DUT: variants seen among roughly 807,000 people sequenced by gnomAD.
The protein encoded by DUT is deoxyuridine triphosphatase.
Under a neutral mutation model 28.8 loss-of-function variants are expected in DUT, and 21 were observed. The observed-to-expected ratio is 0.73, with a 90% CI of 0.52 to 1.05. The LOEUF (loss-of-function observed/expected upper bound fraction) is 1.05, where lower values mean the gene tolerates loss of function less well. Among genes scored for constraint, DUT ranks in the 50% least tolerant of loss-of-function variants. The pLI, the probability that DUT is intolerant of heterozygous loss-of-function variation, is 0.00. For missense variants in DUT, 344 were observed against 351.8 expected (o/e 0.98, Z 0.18); for synonymous variants, 147 against 143.7 (o/e 1.02, Z -0.17).
chr15:48,332,043 C>T, intron 1 of DUT: 1 of 1,107,202 alleles, frequency 9.0e-7, no homozygotes, highest in Non-Finnish European at 1.2e-6. Context: ...AGTTTCCCAT[C>T]CCAAACCTGC....
In DUT at chr15:48,331,579, G is replaced by T; in HGVS notation, c.64G>T (p.Ala22Ser). ...TTTCCTTACGTCTCTGCTTCGCTCA[G>T]CGATGCAAAACGCGCGAGGCGCACG... ...YHFLTSLLRSAMQNARGARQR... is the reference protein window; with the variant it reads ...YHFLTSLLRSSMQNARGARQR... Residue 22 changes from alanine (A) to serine (S), a missense_variant, in exon 1 of 7, where the codon GCG becomes TCG. Ala to Ser is a moderately conservative substitution (Grantham distance 99). Coordinates refer to ENST00000331200, the MANE Select transcript of DUT (RefSeq NM_001025248.2). The T allele has an allele frequency of 6.2e-7, 1 of 1,602,228 alleles. No homozygotes were observed. The highest frequency in any genetic ancestry group is 1.1e-5 in the South Asian group (1 of 89,300).
Position 48,331,500 on chromosome 15 carries a change from C to T in DUT, c.-16C>T. 2 of 1,611,406 alleles carry T rather than the reference C, an allele frequency of 1.2e-6. No homozygotes were observed. Among genetic ancestry groups the T allele is most frequent in the South Asian group, 2.2e-5 (2 of 90,792 alleles). ...CGGAGGTGCCGAGGACCCAACCAGC[C>T]CAAACTCTGGGGGAAATGACTCCCC... is the stretch of plus-strand genomic sequence containing the variant. On this transcript the variant is annotated 5_prime_UTR_variant, in exon 1 of 7. Transcript: ENST00000331200.
At chr15:48,332,209 C>T (rs1170867748) in intron 1 of DUT, 59 bp from the exon 2 acceptor site, 19 of 1,534,526 alleles carry the variant, frequency 1.2e-5, no homozygotes, top group Non-Finnish European at 1.7e-5. Flanking sequence ...CGTGCGCTCT[C>T]CTCTTCCCCC....
At chr15:48,332,102 C>G in intron 1 of DUT, 166 bp from the exon 2 acceptor site, 1 of 1,363,876 alleles carries the variant, frequency 7.3e-7, no homozygotes, top group Non-Finnish European at 9.5e-7. Context: ...CCTCCCCTCT[C>G]AGCCAGAACT....
upstream of DUT, chr15:48,331,141 G>A: frequency 2.0e-6 from 3 of 1,492,386 alleles, no homozygotes; most frequent in Non-Finnish European, 2.7e-6. Context: ...CGCTTAGGGC[G>A]CCGCTAAACT....
intron 2 of DUT, among the ~76,000 whole-genome samples, chr15:48,334,105 C>CTCAG (rs538384630): frequency 2.0e-3 from 299 of 152,264 alleles, no homozygotes; most frequent in African/African-American, 6.9e-3. Flanking sequence ...TGATAAGTAC[C>CTCAG]TCAGTTTCCA....
Position 48,334,399 on chromosome 15 carries a change from C to T in DUT, c.420-18C>T, listed in dbSNP as rs200190942. On this transcript the variant is annotated intron_variant, in intron 2 of 6. Transcript: ENST00000331200. The stretch of plus-strand genomic sequence containing the variant: ...TTATAAATAGATTTGCAGTTATTTT[C>T]TTTCAATATTTTCTTAGTGCCTATG... 52 of 1,477,558 alleles carry T rather than the reference C, an allele frequency of 3.5e-5. No individual in the cohort carries two copies. The highest frequency in any genetic ancestry group is 1.8e-4 in the Middle Eastern group (1 of 5,648). 91.5% of individuals were successfully genotyped at this position (1,477,558 alleles called of 1,614,324 possible).
intron 3 of DUT, among the ~76,000 whole-genome samples, chr15:48,335,841 T>C (rs1308884424): frequency 6.6e-6 from 1 of 152,218 alleles, no homozygotes; most frequent in Non-Finnish European, 1.5e-5. Context: ...ATTAAAACCT[T>C]GTGGAATTTT....
At position 48,342,638 on chromosome 15, in the gene DUT, T is replaced by A. The variant is rs1161082562; in HGVS notation, c.*560T>A. 6.6e-6 allele frequency: 1 copy of A among 152,198 alleles called. No individual in the cohort carries two copies. The highest frequency in any genetic ancestry group is 2.4e-5 in the African/African-American group (1 of 41,446). The allele number at this position is 152,198 out of a possible 1,614,324, so 9.4% of individuals were successfully genotyped here. The stretch of plus-strand genomic sequence containing the variant: ...ATCTTAAGATTCTTTGTGATGAGGG[T>A]GAGAAAAAGAATCCTCAGTTTATTT... On this transcript the variant is annotated 3_prime_UTR_variant, in exon 7 of 7. Transcript: ENST00000331200.
At chr15:48,331,109 C>G, upstream of DUT, 3 of 1,255,980 alleles carry the variant, frequency 2.4e-6, no homozygotes, top group Admixed American at 3.9e-5. Flanking sequence ...TAACTGTCAC[C>G]GGCGCCGAGA....
At chr15:48,332,554 T>G in intron 2 of DUT, 148 bp downstream of exon 2, 1 of 779,706 alleles carries the variant, frequency 1.3e-6, no homozygotes, top group Non-Finnish European at 2.1e-6. Context: ...GCTTTCATCT[T>G]TGGCATAAAT....
chr15:48,332,507 A>T (rs2042429669), intron 2 of DUT, 101 bp downstream of exon 2: 2 of 1,067,160 alleles, frequency 1.9e-6, no homozygotes, highest in Non-Finnish European at 2.7e-6. Context: ...CACTAGCTAT[A>T]AATAGGATTT....
Position 48,343,046 on chromosome 15 carries a change from G to A in DUT, c.*968G>A, listed in dbSNP as rs1273917729. On this transcript the variant is annotated 3_prime_UTR_variant, in exon 7 of 7. Transcript: ENST00000331200. ...GTTTCTCAGATTCCTTTGTATCAGG[G>A]TTTTGGGTGTCACTTAGGTTTTGTC... 2 of 152,118 alleles carry A rather than the reference G, an allele frequency of 1.3e-5. No homozygotes were observed. The highest frequency in any genetic ancestry group is 2.9e-5 in the Non-Finnish European group (2 of 68,040). 9.4% of individuals were successfully genotyped at this position (152,118 alleles called of 1,614,324 possible). A position where few individuals can be genotyped will look rare whatever the true frequency, so the allele number is the denominator to read the frequency against.
intron 4 of DUT, among the ~76,000 whole-genome samples, chr15:48,340,620 C>T (rs1408694498): frequency 6.6e-6 from 1 of 152,116 alleles, no homozygotes; most frequent in Non-Finnish European, 1.5e-5. Flanking sequence ...GATCTTCTCC[C>T]CCTGTGTTCA....
rs942765075 is a variant in DUT at position 48,331,570 on chromosome 15, C to T, written c.55C>T (p.Leu19Phe). 3 of 1,606,310 alleles carry T rather than the reference C, an allele frequency of 1.9e-6. No homozygotes were observed. The highest frequency in any genetic ancestry group is 2.5e-6 in the Non-Finnish European group (3 of 1,177,112). ...ALCYHFLTSL[L>F]RSAMQNARGA... Reference sequence around the variant, plus strand: ...CTGCTACCATTTCCTTACGTCTCTGCTTCGCTCAGCGATGCAAAACGCGCG... The same window carrying T: ...CTGCTACCATTTCCTTACGTCTCTGTTTCGCTCAGCGATGCAAAACGCGCG... The change falls in exon 1 of 7, where the codon CTT becomes TTT. Residue 19 changes from leucine to phenylalanine, a missense_variant. Leu to Phe is a conservative substitution (Grantham distance 22). Coordinates refer to ENST00000331200, the MANE Select transcript of DUT (RefSeq NM_001025248.2).
intron 4 of DUT, among the ~76,000 whole-genome samples, chr15:48,338,537 A>G (rs76573482): frequency 0.011 from 1,659 of 152,264 alleles, 41 homozygotes; most frequent in African/African-American, 0.038. Flanking sequence ...AAATGGGAGG[A>G]AAAAAATCCA....
rs149324355 is a variant in DUT, at chr15:48,331,552, C to T, written c.37C>T (p.His13Tyr). The stretch of plus-strand genomic sequence containing the variant: ...CTGCCCTCGCCCCGCGCTCTGCTAC[C>T]ATTTCCTTACGTCTCTGCTTCGCTC... ...PLCPRPALCY[H>Y]FLTSLLRSAM... The change falls in exon 1 of 7, where the codon CAT (histidine) becomes TAT (tyrosine). Residue 13 changes from histidine to tyrosine, a missense_variant. His to Tyr is a moderately conservative substitution (Grantham distance 83). Transcript: ENST00000331200. The T allele has an allele frequency of 3.7e-6, 6 of 1,610,948 alleles. No homozygotes were observed. The Admixed American group carries it at 6.7e-5, about 18-fold the overall frequency.
At chr15:48,339,089 C>G (rs549386271) in intron 4 of DUT, among the ~76,000 whole-genome samples, 1 of 152,040 alleles carries the variant, frequency 6.6e-6, no homozygotes, top group Non-Finnish European at 1.5e-5. Flanking sequence ...ATACTCCTGC[C>G]TGGGCTATAA....
At chr15:48,341,725 C>G (rs2042537565) in intron 6 of DUT, 140 bp downstream of exon 6, 3 of 720,070 alleles carry the variant, frequency 4.2e-6, no homozygotes, top group Non-Finnish European at 6.8e-6. Flanking sequence ...ATTTAAAATA[C>G]TAGTTTTAGA....
Sources: gnomAD v4.1 joint callset for allele counts (sites outside exome capture counted in the v4.1 genomes callset) on GRCh38, gnomAD v4.1.1 for gene constraint, MANE v1.5 for transcripts, NCBI Gene and HGNC (gene_info 2026-07-23, HGNC 2026-07-21) for gene names.